The following CACNA2D4 variants were observed in gnomAD, a reference collection of about 807,000 sequenced individuals.
CACNA2D4 encodes the protein calcium voltage-gated channel auxiliary subunit alpha2delta 4, also known as voltage-dependent calcium channel subunit alpha-2/delta-4.
Under a neutral mutation model 163.8 loss-of-function variants are expected in CACNA2D4, and 157 were observed. The observed-to-expected ratio is 0.96, with a 90% CI of 0.84 to 1.09. The LOEUF (loss-of-function observed/expected upper bound fraction) is 1.09. Among genes scored for constraint, CACNA2D4 ranks in the 50% least tolerant of loss-of-function variants. CACNA2D4 has a pLI of 0.00. For missense variants in CACNA2D4, 1,410 were observed against 1,479.9 expected (o/e 0.95, Z 0.78); for synonymous variants, 598 against 586.9 (o/e 1.02, Z -0.27).
In CACNA2D4 at chr12:1,811,144, G is replaced by A. The variant is rs73593720; in HGVS notation, c.2613+518C>T. Among the ~76,000 whole-genome samples, 851 of 152,346 alleles carry A rather than the reference G, an allele frequency of 5.6e-3. 5 individuals carry two copies. The highest frequency in any genetic ancestry group is 0.019 in the African/African-American group (777 of 41,572). Reference sequence around the variant, plus strand: ...GCGGCAGCAGCAAGTGATGGGGGCCGAGGGGCTCGGCGTTGCAGGAGATTG... The same window carrying A: ...GCGGCAGCAGCAAGTGATGGGGGCCAAGGGGCTCGGCGTTGCAGGAGATTG... On this transcript the variant is annotated intron_variant, in intron 27 of 37. Transcript: ENST00000382722.
At chr12:1,891,830 A>G (rs1236334497) in intron 6 of CACNA2D4, among the ~76,000 whole-genome samples, 1 of 152,104 alleles carries the variant, frequency 6.6e-6, no homozygotes, top group Non-Finnish European at 1.5e-5. Context: ...ATCAAGCAGA[A>G]GAAAGAATTT....
intron 18 of CACNA2D4, among the ~76,000 whole-genome samples, chr12:1,865,296 G>A (rs1054907336): frequency 6.6e-6 from 1 of 152,240 alleles, no homozygotes; most frequent in Admixed American, 6.5e-5. Flanking sequence ...TTGATATCTG[G>A]TAGAGATTCC....
chr12:1,800,316 G>A, intron 32 of CACNA2D4, 70 bp downstream of exon 32: 2 of 1,526,668 alleles, frequency 1.3e-6, no homozygotes, highest in Non-Finnish European at 1.8e-6. Flanking sequence ...GCAGCCTCCT[G>A]CTCAAGGACA....
chr12:1,903,264 A>G (rs2079608), intron 6 of CACNA2D4, among the ~76,000 whole-genome samples: 7,129 of 152,198 alleles, frequency 0.047, 431 homozygotes, highest in African/African-American at 0.14. Context: ...TGAAACTACT[A>G]AAAGAAAACA....
chr12:1,826,451 C>T (rs1864330855), intron 26 of CACNA2D4, among the ~76,000 whole-genome samples: 1 of 137,592 alleles, frequency 7.3e-6, no homozygotes, highest in Admixed American at 7.9e-5. Flanking sequence ...GGAGCCTGGC[C>T]TTGAGACAGT....
chr12:1,865,296 G>C (rs1054907336), intron 18 of CACNA2D4, among the ~76,000 whole-genome samples: 1 of 152,240 alleles, frequency 6.6e-6, no homozygotes. Context: ...TTGATATCTG[G>C]TAGAGATTCC....
intron 22 of CACNA2D4, 123 bp downstream of exon 22, chr12:1,855,889 T>C: frequency 1.4e-6 from 1 of 698,848 alleles, no homozygotes; most frequent in South Asian, 1.7e-5. Flanking sequence ...ATCTAAGCCA[T>C]CCATGTGCTA....
Position 1,883,124 on chromosome 12 carries a change from G to A in CACNA2D4, c.1352-124C>T. On this transcript the variant is annotated intron_variant, in intron 12 of 37. Coordinates refer to ENST00000382722, the MANE Select transcript of CACNA2D4 (RefSeq NM_172364.5). This position sits in a 1 kb window ranked among gnomAD's most constrained non-coding sequence, Gnocchi z 4.5. Reference sequence around the variant, plus strand: ...GAATACTCTCTGGAAACTGGACCGGGGCACAGGGAGCTGCTTCCCCACAGT... The same window carrying A: ...GAATACTCTCTGGAAACTGGACCGGAGCACAGGGAGCTGCTTCCCCACAGT... The A allele has an allele frequency of 8.9e-7, 1 of 1,118,826 alleles. No homozygotes were observed. The highest frequency in any genetic ancestry group is 1.3e-6 in the Non-Finnish European group (1 of 795,000). The allele number at this position is 1,118,826 out of a possible 1,614,324, so 69.3% of individuals were successfully genotyped here.
Position 1,801,030 on chromosome 12 carries a change from G to C in CACNA2D4, c.2868+13C>G, listed in dbSNP as rs1446611938. 1 of 1,611,940 alleles carries C rather than the reference G, an allele frequency of 6.2e-7. No individual in the cohort carries two copies. The highest frequency in any genetic ancestry group is 8.5e-7 in the Non-Finnish European group (1 of 1,179,192). On this transcript the variant is annotated intron_variant, in intron 31 of 37. Coordinates refer to ENST00000382722, the MANE Select transcript of CACNA2D4 (RefSeq NM_172364.5). ...TGGCTGGCTGGCAGAGGGAAGGGCT[G>C]GGTGACACTCACGCTGACCAGGGGC...
At position 1,844,374 on chromosome 12, in the gene CACNA2D4, G is replaced by A. The variant is rs1249747655; in HGVS notation, c.2470+28C>T. 2.5e-6 allele frequency: 4 copies of A among 1,611,046 alleles called. No homozygotes were observed. The highest frequency in any genetic ancestry group is 1.8e-4 in the Middle Eastern group (1 of 5,618). On this transcript the variant is annotated intron_variant, in intron 25 of 37. Transcript: ENST00000382722. This position sits in a 1 kb window ranked among gnomAD's most constrained non-coding sequence, Gnocchi z 4.2. ...ATGAGACTGGCCTGAGACTGGCCCAGCCCCGGGAGCACCGGGCTGTGTGTT... is the reference window on the plus strand; with the variant it reads ...ATGAGACTGGCCTGAGACTGGCCCAACCCCGGGAGCACCGGGCTGTGTGTT...
chr12:1,885,274 G>A (rs1866108599), intron 9 of CACNA2D4, among the ~76,000 whole-genome samples, 198 bp from the exon 10 acceptor site: 1 of 152,214 alleles, frequency 6.6e-6, no homozygotes, highest in South Asian at 2.1e-4. Context: ...AACTGAGAGA[G>A]GGGAAATGAC....
chr12:1,810,439 T>G (rs1863668842), intron 28 of CACNA2D4, 99 bp from the exon 29 acceptor site: 1 of 1,525,616 alleles, frequency 6.6e-7, no homozygotes, highest in South Asian at 1.2e-5. Flanking sequence ...GGAGCTTCAC[T>G]GCAGGGAAGG....
At chr12:1,803,716 C>T (rs1011402045) in intron 29 of CACNA2D4, among the ~76,000 whole-genome samples, 1 of 152,330 alleles carries the variant, frequency 6.6e-6, no homozygotes, top group East Asian at 1.9e-4. Flanking sequence ...GGCCTGACCA[C>T]CAAAAACTAT....
At chr12:1,794,154 C>T (rs370523359) in intron 37 of CACNA2D4, among the ~76,000 whole-genome samples, 3 of 152,290 alleles carry the variant, frequency 2.0e-5, no homozygotes, top group Non-Finnish European at 2.9e-5. Context: ...ATCCACGTGA[C>T]GGCCCCCTCA....
rs1403822570 is a variant in CACNA2D4 at position 1,875,876 on chromosome 12, A to G, written c.1720-539T>C. On this transcript the variant is annotated intron_variant, in intron 16 of 37. Coordinates refer to ENST00000382722, the MANE Select transcript of CACNA2D4 (RefSeq NM_172364.5). This position sits in a 1 kb window ranked among gnomAD's most constrained non-coding sequence, Gnocchi z 4.0. The stretch of plus-strand genomic sequence containing the variant: ...CTCTCAAAATGGAGTTCCCAGGACA[A>G]AAGCCAACCTTCCAAATGGGGTCTG... Among the ~76,000 whole-genome samples the G allele has an allele frequency of 1.3e-5, 2 of 152,206 alleles. 1 individual carries two copies. The highest frequency in any genetic ancestry group is 3.8e-4 in the East Asian group (2 of 5,196).
chr12:1,846,793 G>T (rs1865155874), intron 23 of CACNA2D4, 104 bp from the exon 24 acceptor site: 2 of 920,176 alleles, frequency 2.2e-6, no homozygotes, highest in Non-Finnish European at 3.4e-6. Flanking sequence ...GCCTGGCCTG[G>T]CTCAGGGAAG....
At chr12:1,877,168 G>A (rs1354843142) in intron 16 of CACNA2D4, among the ~76,000 whole-genome samples, 2 of 152,210 alleles carry the variant, frequency 1.3e-5, no homozygotes, top group East Asian at 3.8e-4. Flanking sequence ...ATTCTTCACT[G>A]CATCGTGAGG....
In CACNA2D4 at chr12:1,799,737, G is replaced by A. The variant is rs1863246813; in HGVS notation, c.2975-42C>T. 6.4e-7 allele frequency: 1 copy of A among 1,563,220 alleles called. No individual in the cohort carries two copies. The highest frequency in any genetic ancestry group is 8.7e-7 in the Non-Finnish European group (1 of 1,154,032). ...CCCAGCACAGGGTGGACACGGCACA[G>A]GAAAACATGGTGGCACATGAGGGCA... On this transcript the variant is annotated intron_variant, in intron 33 of 37. Transcript: ENST00000382722. The surrounding 1 kb of genome is among the most constrained non-coding windows in gnomAD (Gnocchi z 4.7).
chr12:1,814,362 CTGTG>C (rs1863808727), intron 26 of CACNA2D4, among the ~76,000 whole-genome samples: 1 of 152,220 alleles, frequency 6.6e-6, no homozygotes, highest in African/African-American at 2.4e-5. Flanking sequence ...CCAAGCCAAG[CTGTG>C]TGTCTTGCCC....
Sources: allele counts gnomAD v4.1 joint callset (sites outside exome capture counted in the v4.1 genomes callset), GRCh38; gene constraint gnomAD v4.1.1; non-coding constraint Gnocchi (gnomAD v3.1); transcripts MANE v1.5; gene names NCBI Gene and HGNC (gene_info 2026-07-23, HGNC 2026-07-21).